The following RCC1L variants were observed in gnomAD, a reference collection of about 807,000 sequenced individuals.
The protein encoded by RCC1L is RCC1-like G exchanging factor-like protein.
In RCC1L, 46 loss-of-function variants were observed where a neutral mutation model predicts 58.6. The ratio of observed to expected loss-of-function variants is 0.79; its 90% CI spans 0.62 to 1.00. RCC1L has a LOEUF of 1.00. RCC1L is among the 50% of genes least tolerant of loss of function. The pLI is 0.00. For synonymous variants in RCC1L, 281 were observed against 262.9 expected (o/e 1.07, Z -0.67); for missense variants, 636 against 623.6 (o/e 1.02, Z -0.21).
chr7:75,066,532 G>T, intron 3 of RCC1L, 132 bp downstream of exon 3: 1 of 1,232,200 alleles, frequency 8.1e-7, no homozygotes, highest in Non-Finnish European at 1.1e-6. Flanking sequence ...CCACTGATCT[G>T]CTCAGGAAAT....
chr7:75,073,465 T>C lies in RCC1L; in HGVS notation c.273A>G (p.Arg91=). Residue 91 remains arginine, a synonymous_variant, in exon 1 of 11, where the codon CGA becomes CGG. Transcript: ENST00000610322. The part of the protein sequence containing the change: ...SSGPGPRAGA[R]PRRRIQPVPY... The stretch of plus-strand genomic sequence containing the variant: ...GCACGGGCTGGATCCTGCGGCGCGG[T>C]CGGGCGCCGGCGCGGGGCCCGGGCC... The C allele has an allele frequency of 7.3e-7, 1 of 1,375,662 alleles. No individual in the cohort carries two copies. Among genetic ancestry groups the C allele is most frequent in the Non-Finnish European group, 9.3e-7 (1 of 1,069,992 alleles). The allele number at this position is 1,375,662 out of a possible 1,614,324, so 85.2% of individuals were successfully genotyped here.
In RCC1L at chr7:75,073,801, C is replaced by G. The variant is rs1554446622; in HGVS notation, c.-64G>C. 8 of 1,500,562 alleles carry G rather than the reference C, an allele frequency of 5.3e-6. No homozygotes were observed. The highest frequency in any genetic ancestry group is 6.2e-6 in the Non-Finnish European group (7 of 1,130,192). The allele number at this position is 1,500,562 out of a possible 1,614,324, so 93.0% of individuals were successfully genotyped here. A position where few individuals can be genotyped will look rare whatever the true frequency, so the allele number is the denominator to read the frequency against. ...TCTTGCGTGACCCTTAACACCAGTC[C>G]TCGCCGGAAGAGGCTACGGCCACTT... On this transcript the variant is annotated 5_prime_UTR_variant, in exon 1 of 11. Transcript: ENST00000610322.
In RCC1L at chr7:75,042,654, T is replaced by G. The variant is rs1322412612; in HGVS notation, c.*378A>C. On this transcript the variant is annotated 3_prime_UTR_variant, in exon 11 of 11. Coordinates refer to ENST00000610322, the MANE Select transcript of RCC1L (RefSeq NM_030798.5). ...CTTGGCCAGACACAAACCAAGAGAC[T>G]GCCATGACAGACAGAGCAGAAACCT... 2.7e-6 allele frequency: 3 copies of G among 1,099,416 alleles called. No homozygotes were observed. Among genetic ancestry groups the G allele is most frequent in the African/African-American group, 1.7e-5 (1 of 60,512 alleles). 68.1% of individuals were successfully genotyped at this position (1,099,416 alleles called of 1,614,324 possible).
rs1228469678 is a variant in RCC1L at position 75,072,088 on chromosome 7, C to CA, written c.325-1320dup. On this transcript the variant is annotated intron_variant, in intron 1 of 10. Transcript: ENST00000610322. Reference sequence around the variant, plus strand: ...TCCAGCCTGGGCAACAGAGCCAGATCAAAAAAAAAAAACAAACCTATATTT... The same window carrying CA: ...TCCAGCCTGGGCAACAGAGCCAGATCAAAAAAAAAAAAACAAACCTATATTT... Among the ~76,000 whole-genome samples the CA allele has an allele frequency of 6.1e-3, 524 of 85,822 alleles. 3 individuals are homozygous for CA. Among genetic ancestry groups the CA allele is most frequent in the African/African-American group, 0.016 (365 of 23,356 alleles). The allele number at this position is 85,822 out of a possible 152,430, so 56.3% of individuals were successfully genotyped here.
chr7:75,044,481 C>T (rs1805658556), intron 10 of RCC1L, among the ~76,000 whole-genome samples: 1 of 151,338 alleles, frequency 6.6e-6, no homozygotes, highest in East Asian at 2.0e-4. Context: ...CGCCTATAAC[C>T]CCAGCTACTC....
chr7:75,048,282 A>G lies in RCC1L; in HGVS notation c.1317+4429T>C, dbSNP rs1195291399. Among the ~76,000 whole-genome samples the G allele has an allele frequency of 4.9e-3, 748 of 151,516 alleles. 5 individuals carry two copies. The highest frequency in any genetic ancestry group is 0.012 in the Admixed American group (183 of 15,196). On this transcript the variant is annotated intron_variant, in intron 10 of 10. Transcript: ENST00000610322. ...ACATCGCCTCAAAAAAAAAAAAAAAAAAAAAGAACCACCACCTAAGACCCA... is the reference window on the plus strand; with the variant it reads ...ACATCGCCTCAAAAAAAAAAAAAAAGAAAAAGAACCACCACCTAAGACCCA...
At chr7:75,057,674 T>G in intron 7 of RCC1L, 58 bp from the exon 8 acceptor site, 21 of 1,537,048 alleles carry the variant, frequency 1.4e-5, no homozygotes, top group Non-Finnish European at 1.8e-5. Context: ...GACCGGGAAG[T>G]GTTCTGGTCT....
chr7:75,069,403 G>A (rs1563080371), intron 2 of RCC1L, among the ~76,000 whole-genome samples: 1 of 149,854 alleles, frequency 6.7e-6, no homozygotes, highest in Non-Finnish European at 1.5e-5. Flanking sequence ...ACAGAGTCTC[G>A]CTATGTTGCC....
At chr7:75,060,051 C>T (rs1368381382) in intron 6 of RCC1L, among the ~76,000 whole-genome samples, 4 of 151,972 alleles carry the variant, frequency 2.6e-5, no homozygotes, top group African/African-American at 7.2e-5. Flanking sequence ...CATGAGCCAC[C>T]GCGCCCGGCC....
At position 75,073,569 on chromosome 7, in the gene RCC1L, G is replaced by A; in HGVS notation, c.169C>T (p.Arg57Cys). ...CCCCACACGAAGACGCGATCGGCGC[G>A]GGCAGCGCGCTCGCCCACGTACTGG... ...VVQYVGERAA[R>C]ADRVFVWGFS... The change falls in exon 1 of 11, where the codon CGC becomes TGC. Residue 57 changes from arginine to cysteine, a missense_variant. Transcript: ENST00000610322. The A allele has an allele frequency of 6.6e-7, 1 of 1,508,608 alleles. No individual in the cohort carries two copies. Among genetic ancestry groups the A allele is most frequent in the South Asian group, 1.2e-5 (1 of 80,296 alleles). The allele number at this position is 1,508,608 out of a possible 1,614,324, so 93.5% of individuals were successfully genotyped here. A position where few individuals can be genotyped will look rare whatever the true frequency, so the allele number is the denominator to read the frequency against.
Position 75,073,609 on chromosome 7 carries a change from C to A in RCC1L, c.129G>T (p.Ala43=). The part of the protein sequence containing the change: ...RSRREAAEAE[A]EVPVVQYVGE... ...CCACGTACTGGACCACGGGCACCTCCGCCTCGGCTTCTGCCGCTTCGCGCC... is the reference window on the plus strand; with the variant it reads ...CCACGTACTGGACCACGGGCACCTCAGCCTCGGCTTCTGCCGCTTCGCGCC... Residue 43 remains alanine, a synonymous_variant, in exon 1 of 11, where the codon GCG becomes GCT. Transcript: ENST00000610322. The A allele has an allele frequency of 6.6e-7, 1 of 1,521,864 alleles. No homozygotes were observed. Among genetic ancestry groups the A allele is most frequent in the Non-Finnish European group, 8.7e-7 (1 of 1,145,640 alleles). 94.3% of individuals were successfully genotyped at this position (1,521,864 alleles called of 1,614,324 possible). A position where few individuals can be genotyped will look rare whatever the true frequency, so the allele number is the denominator to read the frequency against.
chr7:75,051,355 C>CAT (rs1305977175), intron 10 of RCC1L, among the ~76,000 whole-genome samples: 2 of 149,492 alleles, frequency 1.3e-5, no homozygotes, highest in East Asian at 1.9e-4. Flanking sequence ...TACACACACA[C>CAT]ATATATATAC....
chr7:75,072,161 C>CATATATATATATATATATATATATATAT (rs1165938365), intron 1 of RCC1L, among the ~76,000 whole-genome samples: 17 of 46,338 alleles, frequency 3.7e-4, no homozygotes, highest in South Asian at 2.7e-3. Flanking sequence ...TATACATATA[C>CATATATATATATATATATATATATATAT]ATATATATAT....
downstream of RCC1L, among the ~76,000 whole-genome samples, chr7:75,041,528 C>T (rs1253634305): frequency 2.6e-5 from 4 of 151,994 alleles, no homozygotes; most frequent in Non-Finnish European, 5.9e-5. Context: ...TATTTTCTCC[C>T]AACTGAACTG....
chr7:75,028,646 G>T (rs1805210068), intron 10 of RCC1L, among the ~76,000 whole-genome samples: 1 of 152,098 alleles, frequency 6.6e-6, no homozygotes, highest in Non-Finnish European at 1.5e-5. Flanking sequence ...TCGTCGTGGG[G>T]CTCCCCTGGT....
chr7:75,040,339 A>G (rs1307564146), downstream of RCC1L, among the ~76,000 whole-genome samples: 5 of 152,194 alleles, frequency 3.3e-5, no homozygotes, highest in African/African-American at 1.2e-4. Flanking sequence ...GCATGCCTCT[A>G]GGCCCGGCTA....
At chr7:75,050,356 G>A (rs1554443207) in intron 10 of RCC1L, among the ~76,000 whole-genome samples, 2 of 152,208 alleles carry the variant, frequency 1.3e-5, no homozygotes, top group Non-Finnish European at 2.9e-5. Context: ...TGGCGAGCCA[G>A]GGCAAGTGAC....
rs138561133 is a variant in RCC1L at position 75,055,973 on chromosome 7, A to G, written c.1159T>C (p.Leu387=). ...TGGATTTCTGGGTTGAACTCCGTCAAGCCAAAGAGAGTGGGTGGAATCATT... is the reference window on the plus strand; with the variant it reads ...TGGATTTCTGGGTTGAACTCCGTCAGGCCAAAGAGAGTGGGTGGAATCATT... ...PEMIPPTLFG[L]TEFNPEIQVS... is the part of the protein sequence containing the mutation. The change falls in exon 9 of 11, where the codon TTG becomes CTG. Residue 387 remains leucine (L), a synonymous_variant. Coordinates refer to ENST00000610322, the MANE Select transcript of RCC1L (RefSeq NM_030798.5). The G allele has an allele frequency of 6.6e-5, 107 of 1,613,992 alleles. No individual in the cohort carries two copies. In the African/African-American group the frequency reaches 6.7e-4, roughly 10 times the overall value.
chr7:75,041,554 T>C (rs1460419618), downstream of RCC1L, among the ~76,000 whole-genome samples: 1 of 151,924 alleles, frequency 6.6e-6, no homozygotes, highest in Non-Finnish European at 1.5e-5. Flanking sequence ...GTAGAATCTG[T>C]TCAGAAAATA....
Sources: gnomAD v4.1 joint callset for allele counts (sites outside exome capture counted in the v4.1 genomes callset) on GRCh38, gnomAD v4.1.1 for gene constraint, MANE v1.5 for transcripts, NCBI Gene and HGNC (gene_info 2026-07-23, HGNC 2026-07-21) for gene names.